CYRIA: variants seen among roughly 807,000 people sequenced by gnomAD.
CYRIA encodes CYFIP-related Rac1 interactor A.
Under a neutral mutation model 43.9 loss-of-function variants are expected in CYRIA, and 15 were observed. The observed-to-expected ratio is 0.34, with a 90% CI of 0.23 to 0.53. CYRIA has a LOEUF of 0.53. Ranked by LOEUF, CYRIA falls within the 20% of genes least tolerant of loss-of-function variation. The pLI, the probability that CYRIA is intolerant of heterozygous loss-of-function variation, is 0.94. For missense variants in CYRIA, 236 were observed against 394.2 expected, an observed-to-expected ratio of 0.60 and a Z score of 3.40; for synonymous variants, 117 against 136.0, an observed-to-expected ratio of 0.86 and a Z score of 0.97.
chr2:16,590,520 C>T (rs1024477856), intron 2 of CYRIA, among the ~76,000 whole-genome samples: 1 of 152,108 alleles, frequency 6.6e-6, no homozygotes, highest in Non-Finnish European at 1.5e-5. Context: ...AAAATTCTGT[C>T]CTGTATGTGA....
Position 16,636,020 on chromosome 2 carries a change from G to C in CYRIA, c.-166-12001C>G, listed in dbSNP as rs539067333. ...GGGAACTGCAACAGAATCTGATCAG[G>C]CTGGCACCACTCAGACATGCACAAG... On this transcript the variant is annotated intron_variant, in intron 1 of 11. Transcript: ENST00000381323. Among the ~76,000 whole-genome samples, 44 of 152,220 alleles carry C rather than the reference G, an allele frequency of 2.9e-4. No homozygotes were observed. In the South Asian group the frequency reaches 8.9e-3, roughly 31 times the overall value.
intron 2 of CYRIA, among the ~76,000 whole-genome samples, chr2:16,591,897 C>T (rs984995522): frequency 2.0e-5 from 3 of 152,062 alleles, no homozygotes; most frequent in African/African-American, 7.2e-5. Flanking sequence ...TACATGCACA[C>T]ACTCACACAC....
In CYRIA at chr2:16,579,116, G is replaced by A. The variant is rs1463572750; in HGVS notation, c.70+8934C>T. Reference sequence around the variant, plus strand: ...GACAATGGGATCACTTCTTTCAAGTGCTTTAAGAAAAACAAAGCAAACAAT... The same window carrying A: ...GACAATGGGATCACTTCTTTCAAGTACTTTAAGAAAAACAAAGCAAACAAT... On this transcript the variant is annotated intron_variant, in intron 3 of 11. Coordinates refer to ENST00000381323, the MANE Select transcript of CYRIA (RefSeq NM_030797.4). Among the ~76,000 whole-genome samples, 3 of 152,094 alleles carry A rather than the reference G, an allele frequency of 2.0e-5. No individual in the cohort carries two copies. In the East Asian group the frequency reaches 5.8e-4, roughly 29 times the overall value.
At chr2:16,602,625 C>A (rs1220424222) in intron 2 of CYRIA, among the ~76,000 whole-genome samples, 1 of 152,028 alleles carries the variant, frequency 6.6e-6, no homozygotes, top group African/African-American at 2.4e-5. Flanking sequence ...CCCTACATCC[C>A]CAAATTTAAT....
In CYRIA at chr2:16,637,354, C is replaced by A. The variant is rs140123984; in HGVS notation, c.-166-13335G>T. Reference sequence around the variant, plus strand: ...GAAGATTCTTTGGGAAGAATCAGGTCATGAGGATGGAGCTTTGTGAATAAG... The same window carrying A: ...GAAGATTCTTTGGGAAGAATCAGGTAATGAGGATGGAGCTTTGTGAATAAG... On this transcript the variant is annotated intron_variant, in intron 1 of 11. Coordinates refer to ENST00000381323, the MANE Select transcript of CYRIA (RefSeq NM_030797.4). 2.4e-4 allele frequency among the ~76,000 whole-genome samples: 36 copies of A among 152,236 alleles called. No individual in the cohort carries two copies. The East Asian group carries it at 5.8e-3, about 24-fold the overall frequency.
chr2:16,587,409 G>A (rs941680292), intron 3 of CYRIA, among the ~76,000 whole-genome samples: 50 of 152,042 alleles, frequency 3.3e-4, no homozygotes, highest in African/African-American at 1.2e-3. Context: ...CAAAAGGAAA[G>A]CAAAGACTAA....
intron 3 of CYRIA, among the ~76,000 whole-genome samples, chr2:16,581,708 G>A (rs1368952548): frequency 6.6e-6 from 1 of 152,020 alleles, no homozygotes; most frequent in African/African-American, 2.4e-5. Context: ...TCCACTCCTA[G>A]GTATTTACCC....
chr2:16,655,967 T>C (rs2103553557), intron 1 of CYRIA, among the ~76,000 whole-genome samples: 1 of 152,298 alleles, frequency 6.6e-6, no homozygotes, highest in African/African-American at 2.4e-5. Context: ...AATGTCAGAA[T>C]TGCCTTTCTT....
At chr2:16,564,894 CA>C (rs1225941290) in intron 4 of CYRIA, among the ~76,000 whole-genome samples, 1 of 152,122 alleles carries the variant, frequency 6.6e-6, no homozygotes, top group Non-Finnish European at 1.5e-5. Flanking sequence ...AAACTGAAAG[CA>C]AGATGGTTTT....
chr2:16,554,106 C>G (rs1666415725), intron 11 of CYRIA, among the ~76,000 whole-genome samples: 1 of 152,124 alleles, frequency 6.6e-6, no homozygotes, highest in African/African-American at 2.4e-5. Flanking sequence ...ACCCTTACCT[C>G]TCTGACTTGT....
intron 1 of CYRIA, among the ~76,000 whole-genome samples, chr2:16,630,291 CCCACCTGGGCCCTGA>C (rs1228821217): frequency 5.9e-5 from 9 of 152,124 alleles, no homozygotes; most frequent in Non-Finnish European, 8.8e-5. Flanking sequence ...CTGAGGGACC[CCCACCTGGGCCCTGA>C]CCACTGTACT....
chr2:16,551,748 C>T lies in CYRIA; in HGVS notation c.*1188G>A, dbSNP rs946775056. 7.9e-5 allele frequency: 12 copies of T among 152,060 alleles called. No homozygotes were observed. The highest frequency in any genetic ancestry group is 4.4e-5 in the Non-Finnish European group (3 of 67,996). The allele number at this position is 152,060 out of a possible 1,614,324, so 9.4% of individuals were successfully genotyped here. A position where few individuals can be genotyped will look rare whatever the true frequency, so the allele number is the denominator to read the frequency against. On this transcript the variant is annotated 3_prime_UTR_variant, in exon 12 of 12. Transcript: ENST00000381323. ...TTTTATCGGCATTAACCTTACAGGG[C>T]TCTTGAAGATTGTTTTAATTGCCCA...
At chr2:16,631,047 C>A (rs1669317031) in intron 1 of CYRIA, among the ~76,000 whole-genome samples, 1 of 152,178 alleles carries the variant, frequency 6.6e-6, no homozygotes, top group South Asian at 2.1e-4. Flanking sequence ...CCTAACTTGG[C>A]CTTGGCTGGG....
chr2:16,633,605 G>T (rs1669403361), intron 1 of CYRIA, among the ~76,000 whole-genome samples: 1 of 131,518 alleles, frequency 7.6e-6, no homozygotes, highest in Non-Finnish European at 1.5e-5. Context: ...TGTTGCCAAG[G>T]GCTGGTCTCA....
In CYRIA at chr2:16,550,570, C is replaced by T. The variant is rs928524148; in HGVS notation, c.*2366G>A. 7 of 152,154 alleles carry T rather than the reference C, an allele frequency of 4.6e-5. No homozygotes were observed. The highest frequency in any genetic ancestry group is 1.7e-4 in the African/African-American group (7 of 41,432). 9.4% of individuals were successfully genotyped at this position (152,154 alleles called of 1,614,324 possible). ...AAGTCTTGGCTAAATTGAGGCAGGA[C>T]AGCAGCCCCTTCCATATGTTTGGTC... On this transcript the variant is annotated 3_prime_UTR_variant, in exon 12 of 12. Coordinates refer to ENST00000381323, the MANE Select transcript of CYRIA (RefSeq NM_030797.4).
intron 9 of CYRIA, 178 bp downstream of exon 9, chr2:16,560,812 G>A: frequency 1.6e-6 from 1 of 619,714 alleles, no homozygotes; most frequent in Non-Finnish European, 2.8e-6. Flanking sequence ...AGCTTCTTCA[G>A]CTATGCAGTA....
At chr2:16,637,562 T>C (rs1164059300) in intron 1 of CYRIA, among the ~76,000 whole-genome samples, 1 of 152,224 alleles carries the variant, frequency 6.6e-6, no homozygotes, top group Non-Finnish European at 1.5e-5. Context: ...GTATTTCTGT[T>C]ATTTAAGTAC....
At chr2:16,651,817 T>C (rs1398631848) in intron 1 of CYRIA, among the ~76,000 whole-genome samples, 1 of 152,126 alleles carries the variant, frequency 6.6e-6, no homozygotes, top group Non-Finnish European at 1.5e-5. Context: ...TAAAAACTTG[T>C]AATATGCAGT....
chr2:16,622,763 C>T (rs1172537476), intron 2 of CYRIA, among the ~76,000 whole-genome samples: 2 of 152,190 alleles, frequency 1.3e-5, no homozygotes, highest in African/African-American at 2.4e-5. Flanking sequence ...TCTCCTTCCT[C>T]TGAATTATGC....
Sources: allele counts gnomAD v4.1 joint callset (sites outside exome capture counted in the v4.1 genomes callset), GRCh38; gene constraint gnomAD v4.1.1; transcripts MANE v1.5; gene names NCBI Gene and HGNC (gene_info 2026-07-23, HGNC 2026-07-21).